The following TMEM132D variants were observed in gnomAD, a reference collection of about 807,000 sequenced individuals.
TMEM132D encodes transmembrane protein 132D.
TMEM132D carries 21 observed loss-of-function variants against 62.3 expected under a neutral mutation model. The ratio of observed to expected loss-of-function variants is 0.34; its 90% CI spans 0.24 to 0.49. The LOEUF is 0.49. Among genes scored for constraint, TMEM132D ranks in the 20% least tolerant of loss-of-function variants. The pLI is 0.99. For missense variants in TMEM132D, 1,346 were observed against 1,402.8 expected (o/e 0.96, Z 0.65); for synonymous variants, 621 against 575.6 (o/e 1.08, Z -1.13).
At chr12:129,246,950 A>C (rs1880136965) in intron 4 of TMEM132D, among the ~76,000 whole-genome samples, 1 of 152,192 alleles carries the variant, frequency 6.6e-6, no homozygotes, top group South Asian at 2.1e-4. Context: ...GTTCAGAATA[A>C]ATTATATACT....
intron 5 of TMEM132D, among the ~76,000 whole-genome samples, chr12:129,183,681 T>C (rs1473091519): frequency 6.6e-6 from 1 of 152,256 alleles, no homozygotes; most frequent in Non-Finnish European, 1.5e-5. Context: ...GAAGAGTCCC[T>C]AGGTCTAGTA....
At chr12:129,880,798 G>T (rs112013869) in intron 1 of TMEM132D, among the ~76,000 whole-genome samples, 52 of 152,132 alleles carry the variant, frequency 3.4e-4, no homozygotes, top group African/African-American at 1.2e-3. Context: ...CAGAGAAAAG[G>T]GGGATGCCAG....
intron 3 of TMEM132D, among the ~76,000 whole-genome samples, chr12:129,460,441 A>C (rs4759945): frequency 2.0e-5 from 3 of 151,682 alleles, no homozygotes; most frequent in Non-Finnish European, 4.4e-5. Context: ...GGCTGCCGGG[A>C]TCTGAGTAGC....
intron 3 of TMEM132D, among the ~76,000 whole-genome samples, chr12:129,471,432 T>C (rs1360968887): frequency 6.6e-6 from 1 of 152,160 alleles, no homozygotes; most frequent in Non-Finnish European, 1.5e-5. Flanking sequence ...GCCCATAAGA[T>C]GAAGAACTTA....
intron 3 of TMEM132D, among the ~76,000 whole-genome samples, chr12:129,394,329 A>G (rs1286896638): frequency 6.6e-6 from 1 of 152,206 alleles, no homozygotes; most frequent in Admixed American, 6.5e-5. Context: ...CTGAACATGA[A>G]GGGAGCCCGT....
intron 3 of TMEM132D, among the ~76,000 whole-genome samples, chr12:129,357,795 G>C (rs1037007279): frequency 6.6e-6 from 1 of 152,130 alleles, no homozygotes; most frequent in Non-Finnish European, 1.5e-5. Flanking sequence ...GTCGGCAATG[G>C]CACTTTGGAA....
At chr12:129,193,198 A>G (rs1878456071) in intron 5 of TMEM132D, among the ~76,000 whole-genome samples, 2 of 151,462 alleles carry the variant, frequency 1.3e-5, no homozygotes, top group Non-Finnish European at 2.9e-5. Flanking sequence ...GCTTTATGCC[A>G]ATTACATGCA....
chr12:129,728,962 G>C (rs1405479748), intron 1 of TMEM132D, among the ~76,000 whole-genome samples: 2 of 152,068 alleles, frequency 1.3e-5, no homozygotes, highest in Non-Finnish European at 2.9e-5. Flanking sequence ...CTGACTTTGC[G>C]GGGTGTTATT....
chr12:129,182,966 G>T (rs1878109343), intron 5 of TMEM132D, among the ~76,000 whole-genome samples: 1 of 152,162 alleles, frequency 6.6e-6, no homozygotes, highest in Non-Finnish European at 1.5e-5. Flanking sequence ...AACAGGTGTG[G>T]CAGGGATGGC....
At chr12:129,708,045 T>G (rs1164729689) in intron 1 of TMEM132D, among the ~76,000 whole-genome samples, 1 of 151,998 alleles carries the variant, frequency 6.6e-6, no homozygotes, top group Non-Finnish European at 1.5e-5. Context: ...GGTGAAAGCC[T>G]GTCTCTACTA....
intron 3 of TMEM132D, among the ~76,000 whole-genome samples, chr12:129,470,576 A>C (rs1874065391): frequency 6.6e-6 from 1 of 152,148 alleles, no homozygotes; most frequent in Non-Finnish European, 1.5e-5. Context: ...TGCTTGCACA[A>C]ATAAAGTGGC....
intron 2 of TMEM132D, among the ~76,000 whole-genome samples, chr12:129,537,013 A>T (rs150939611): frequency 0.018 from 2,682 of 152,034 alleles, 82 homozygotes; most frequent in African/African-American, 0.062. Flanking sequence ...AAAATTAGCC[A>T]GATGTGGTGG....
chr12:129,159,395 A>C (rs1877333327), intron 5 of TMEM132D, among the ~76,000 whole-genome samples: 1 of 152,142 alleles, frequency 6.6e-6, no homozygotes, highest in Non-Finnish European at 1.5e-5. Context: ...AACACGGAGG[A>C]AATGTGAACA....
At chr12:129,684,370 A>C (rs1880856367) in intron 2 of TMEM132D, among the ~76,000 whole-genome samples, 1 of 152,120 alleles carries the variant, frequency 6.6e-6, no homozygotes, top group South Asian at 2.1e-4. Context: ...CCTTCCTGCC[A>C]TCATGTGAAA....
chr12:129,119,755 A>T (rs10734967), intron 5 of TMEM132D, among the ~76,000 whole-genome samples: 2 of 152,182 alleles, frequency 1.3e-5, no homozygotes, highest in African/African-American at 4.8e-5. Context: ...AGATACAGCC[A>T]TGAATGGTAG....
chr12:129,743,297 G>A (rs1349776036), intron 1 of TMEM132D, among the ~76,000 whole-genome samples: 4 of 152,136 alleles, frequency 2.6e-5, no homozygotes, highest in African/African-American at 9.7e-5. Flanking sequence ...TACTCCCCAC[G>A]TGCTGTGGGA....
intron 2 of TMEM132D, among the ~76,000 whole-genome samples, chr12:129,639,851 C>T (rs897772773): frequency 6.6e-6 from 1 of 152,024 alleles, no homozygotes; most frequent in Non-Finnish European, 1.5e-5. Flanking sequence ...TTACTGACAG[C>T]TGAAGACCAT....
chr12:129,354,443 T>C (rs558662329), intron 3 of TMEM132D, among the ~76,000 whole-genome samples: 50 of 151,920 alleles, frequency 3.3e-4, no homozygotes, highest in African/African-American at 1.1e-3. Context: ...TCTGCCTCAG[T>C]CTCCCGAGTA....
intron 5 of TMEM132D, among the ~76,000 whole-genome samples, chr12:129,130,306 T>C (rs1876336613): frequency 7.1e-6 from 1 of 139,874 alleles, no homozygotes; most frequent in African/African-American, 2.7e-5. Flanking sequence ...TTCAGCCTCC[T>C]CATCCCAGCT....
Sources: allele counts gnomAD v4.1 joint callset (sites outside exome capture counted in the v4.1 genomes callset), GRCh38; gene constraint gnomAD v4.1.1; transcripts MANE v1.5; gene names NCBI Gene and HGNC (gene_info 2026-07-23, HGNC 2026-07-21).